The following NSG2 variants were observed in gnomAD, a reference collection of about 807,000 sequenced individuals.
The protein encoded by NSG2 is neuronal vesicle trafficking-associated protein 2.
In NSG2, 4 loss-of-function variants were observed where a neutral mutation model predicts 16.9. That is an observed-to-expected ratio of 0.24 (90% confidence interval 0.12 to 0.54). The LOEUF (loss-of-function observed/expected upper bound fraction) is 0.54. NSG2 is among the 20% of genes least tolerant of loss of function. NSG2 has a pLI of 0.95. For missense variants in NSG2, 179 were observed against 221.1 expected, an observed-to-expected ratio of 0.81 and a Z score of 1.21; for synonymous variants, 98 against 88.7, an observed-to-expected ratio of 1.11 and a Z score of -0.59.
intron 3 of NSG2, among the ~76,000 whole-genome samples, chr5:174,096,932 C>T (rs1049926083): frequency 4.6e-5 from 7 of 152,134 alleles, no homozygotes; most frequent in African/African-American, 1.7e-4. Context: ...TGCCTTTTCT[C>T]GACTTACCTC....
chr5:174,077,509 G>A (rs951478139), intron 3 of NSG2, among the ~76,000 whole-genome samples: 3 of 152,112 alleles, frequency 2.0e-5, no homozygotes, highest in African/African-American at 4.8e-5. Flanking sequence ...CACTGGACCC[G>A]ATTTCATCTC....
intron 2 of NSG2, among the ~76,000 whole-genome samples, chr5:174,059,131 A>T (rs551513317): frequency 1.3e-5 from 2 of 152,198 alleles, no homozygotes; most frequent in Non-Finnish European, 2.9e-5. Context: ...GGTGAGTGGC[A>T]TATTTTTATG....
chr5:174,075,653 C>T (rs765177252), intron 3 of NSG2, among the ~76,000 whole-genome samples: 1 of 152,176 alleles, frequency 6.6e-6, no homozygotes, highest in Non-Finnish European at 1.5e-5. Flanking sequence ...CCACCTGCTC[C>T]GCAATCCCAG....
At chr5:174,059,630 T>G (rs1225117176) in intron 2 of NSG2, among the ~76,000 whole-genome samples, 1 of 152,196 alleles carries the variant, frequency 6.6e-6, no homozygotes, top group Non-Finnish European at 1.5e-5. Context: ...AAAGAGTAGG[T>G]ATTTGCCCCT....
intron 2 of NSG2, among the ~76,000 whole-genome samples, chr5:174,051,486 A>G (rs1254319315): frequency 6.6e-6 from 1 of 152,150 alleles, no homozygotes; most frequent in Non-Finnish European, 1.5e-5. Flanking sequence ...ACCACTGATA[A>G]GTATAGCTGT....
chr5:174,093,080 C>T (rs1235196757), intron 3 of NSG2, among the ~76,000 whole-genome samples: 1 of 152,086 alleles, frequency 6.6e-6, no homozygotes, highest in African/African-American at 2.4e-5. Context: ...TATGGTTAAC[C>T]AGCTGGGCTT....
intron 3 of NSG2, chr5:174,066,361 G>A (rs1259996996): frequency 4.7e-6 from 2 of 429,582 alleles, no homozygotes; most frequent in African/African-American, 4.0e-5. Flanking sequence ...AAATTTACCT[G>A]CCTTCCTGGC....
Position 174,064,212 on chromosome 5 carries a change from A to G in NSG2, c.130-20A>G, listed in dbSNP as rs1424540460. ...GTTTCAAGTCTCCATGCATGCTAAC[A>G]CACTGGTTGACTCTTTCAGGTGATT... On this transcript the variant is annotated intron_variant, in intron 2 of 4. Coordinates refer to ENST00000303177, the MANE Select transcript of NSG2 (RefSeq NM_015980.5). The G allele has an allele frequency of 6.3e-7, 1 of 1,575,644 alleles. No individual in the cohort carries two copies. The highest frequency in any genetic ancestry group is 8.7e-7 in the Non-Finnish European group (1 of 1,152,376).
chr5:174,080,539 C>G (rs1388175699), intron 3 of NSG2, among the ~76,000 whole-genome samples: 2 of 147,364 alleles, frequency 1.4e-5, no homozygotes, highest in Non-Finnish European at 3.0e-5. Flanking sequence ...CTCTCTCTCT[C>G]TCTCTCTCTC....
chr5:174,085,896 G>A (rs1236892751), intron 3 of NSG2, among the ~76,000 whole-genome samples: 2 of 152,194 alleles, frequency 1.3e-5, no homozygotes, highest in South Asian at 2.1e-4. Flanking sequence ...TGACATCTTC[G>A]TCAAACCGTT....
rs2113444991 is a variant in NSG2, at chr5:174,072,366, G to T, written c.213+8051G>T. Reference sequence around the variant, plus strand: ...GATCCTGTCCATTGGATGTCTCCCTGCCTTTGTCTGTGTCATCCTTCCTAG... The same window carrying T: ...GATCCTGTCCATTGGATGTCTCCCTTCCTTTGTCTGTGTCATCCTTCCTAG... On this transcript the variant is annotated intron_variant, in intron 3 of 4. Coordinates refer to ENST00000303177, the MANE Select transcript of NSG2 (RefSeq NM_015980.5). The surrounding 1 kb of genome is among the most constrained non-coding windows in gnomAD (Gnocchi z 4.0). Among the ~76,000 whole-genome samples the T allele has an allele frequency of 6.6e-6, 1 of 152,340 alleles. No homozygotes were observed. Among genetic ancestry groups the T allele is most frequent in the South Asian group, 2.1e-4 (1 of 4,830 alleles).
chr5:174,063,838 T>G (rs1012235283), intron 2 of NSG2, among the ~76,000 whole-genome samples: 4 of 152,280 alleles, frequency 2.6e-5, no homozygotes, highest in African/African-American at 4.8e-5. Context: ...TGTTATACTA[T>G]GCCAAAAGGC....
At chr5:174,064,201 T>C (rs1277326836) in intron 2 of NSG2, 31 bp from the exon 3 acceptor site, 1 of 1,475,146 alleles carries the variant, frequency 6.8e-7, no homozygotes, top group South Asian at 1.3e-5. Flanking sequence ...CAAGTCTCCA[T>C]GCATGCTAAC....
intron 3 of NSG2, among the ~76,000 whole-genome samples, chr5:174,067,388 A>C (rs1202634578): frequency 1.3e-5 from 2 of 152,182 alleles, no homozygotes; most frequent in Non-Finnish European, 2.9e-5. Flanking sequence ...TGCTGGGTAG[A>C]ACAGAAATGA....
chr5:174,095,531 G>A (rs1191420679), intron 3 of NSG2, among the ~76,000 whole-genome samples: 3 of 152,122 alleles, frequency 2.0e-5, no homozygotes, highest in African/African-American at 7.2e-5. Flanking sequence ...CTCCCTCCGT[G>A]TGTCTCTAAT....
At chr5:174,071,315 C>T (rs1245282078) in intron 3 of NSG2, among the ~76,000 whole-genome samples, 7 of 152,122 alleles carry the variant, frequency 4.6e-5, no homozygotes, top group Non-Finnish European at 8.8e-5. Flanking sequence ...GGTGAAACAC[C>T]GTCTCTACTA....
At chr5:174,061,909 C>CTTT (rs11426817) in intron 2 of NSG2, among the ~76,000 whole-genome samples, 34 of 116,604 alleles carry the variant, frequency 2.9e-4, no homozygotes, top group African/African-American at 9.8e-4. Context: ...AGCCCCCAAA[C>CTTT]TTTTTTTTTT....
At chr5:174,078,468 T>C (rs1760386325) in intron 3 of NSG2, among the ~76,000 whole-genome samples, 2 of 152,248 alleles carry the variant, frequency 1.3e-5, no homozygotes, top group Non-Finnish European at 2.9e-5. Flanking sequence ...AGACAGAGGA[T>C]GTTTCATCAT....
chr5:174,064,559 A>C, intron 3 of NSG2: 1 of 339,890 alleles, frequency 2.9e-6, no homozygotes, highest in Non-Finnish European at 5.3e-6. Context: ...TAATTGATAA[A>C]TGCCTCTTCT....
Sources: gnomAD v4.1 joint callset for allele counts (sites outside exome capture counted in the v4.1 genomes callset) on GRCh38, gnomAD v4.1.1 for gene constraint, Gnocchi (gnomAD v3.1) non-coding constraint, MANE v1.5 for transcripts, NCBI Gene and HGNC (gene_info 2026-07-23, HGNC 2026-07-21) for gene names.